Variants in GLI2 observed in about 807,000 individuals in gnomAD.
GLI2 encodes transcription activator GLI2.
In GLI2, 22 loss-of-function variants were observed where a neutral mutation model predicts 78.9. That is an observed-to-expected ratio of 0.28 (90% CI 0.20 to 0.40). GLI2 has a LOEUF of 0.40. GLI2 is among the 10% of genes least tolerant of loss of function. The pLI, the probability that GLI2 is intolerant of heterozygous loss-of-function variation, is 1.00. For missense variants in GLI2, 2,097 were observed against 2,213.2 expected (o/e 0.95, Z 1.05); for synonymous variants, 974 against 963.7 (o/e 1.01, Z -0.20).
At chr2:120,972,403 T>C (rs1244557571) in intron 8 of GLI2, among the ~76,000 whole-genome samples, 2 of 152,224 alleles carry the variant, frequency 1.3e-5, no homozygotes, top group East Asian at 3.8e-4. Context: ...GTTGAGTTGC[T>C]CACGTCCCCG....
At chr2:120,894,221 G>A (rs887067662) in intron 2 of GLI2, among the ~76,000 whole-genome samples, 4 of 152,190 alleles carry the variant, frequency 2.6e-5, no homozygotes, top group Admixed American at 6.5e-5. Flanking sequence ...GCAATTGTCC[G>A]TCTCTCAGAT....
intron 4 of GLI2, among the ~76,000 whole-genome samples, chr2:120,952,538 G>C (rs1681047568): frequency 6.6e-6 from 1 of 152,256 alleles, no homozygotes; most frequent in South Asian, 2.1e-4. Context: ...AGGGCTCCCT[G>C]AATCGTTGAC....
In GLI2 at chr2:120,988,930, G is replaced by A; in HGVS notation, c.2965G>A (p.Gly989Ser). 6.6e-7 allele frequency: 1 copy of A among 1,526,316 alleles called. No homozygotes were observed. The highest frequency in any genetic ancestry group is 8.8e-7 in the Non-Finnish European group (1 of 1,140,828). The allele number at this position is 1,526,316 out of a possible 1,614,324, so 94.5% of individuals were successfully genotyped here. A position where few individuals can be genotyped will look rare whatever the true frequency, so the allele number is the denominator to read the frequency against. The change falls in exon 14 of 14, where the codon GGC (glycine) becomes AGC (serine). Residue 989 changes from glycine to serine, a missense_variant. By Grantham distance (56) the Gly-to-Ser change is moderately conservative. Around this residue, in one of 5 missense-constraint regions of GLI2, gnomAD observed 1,290 missense variants for 1,261.7 expected, o/e 1.02. Coordinates refer to ENST00000361492, the MANE Select transcript of GLI2 (RefSeq NM_001374353.1). ...GCTGCCGCCCTGTGCCGACAGGCGAGGCCTCCGCCTGCAGAGCCACCCGAG... is the reference window on the plus strand; with the variant it reads ...GCTGCCGCCCTGTGCCGACAGGCGAAGCCTCCGCCTGCAGAGCCACCCGAG... The part of the protein sequence containing the change: ...GPLPPCADRR[G>S]LRLQSHPSTD...
chr2:120,775,603 C>A (rs1683654378), intron 1 of GLI2, among the ~76,000 whole-genome samples: 1 of 152,158 alleles, frequency 6.6e-6, no homozygotes, highest in Admixed American at 6.5e-5. Flanking sequence ...AGGGAGAGTA[C>A]CCCCCAGAGT....
chr2:120,920,491 C>T (rs532523767), intron 2 of GLI2, among the ~76,000 whole-genome samples: 1 of 152,332 alleles, frequency 6.6e-6, no homozygotes, highest in African/African-American at 2.4e-5. Context: ...AAGGGCTGTC[C>T]TTGCCCCCTC....
At chr2:120,940,431 C>A (rs980495221) in intron 3 of GLI2, among the ~76,000 whole-genome samples, 1 of 152,196 alleles carries the variant, frequency 6.6e-6, no homozygotes, top group Non-Finnish European at 1.5e-5. Context: ...GAACACCAGG[C>A]CTATACTACT....
intron 2 of GLI2, among the ~76,000 whole-genome samples, chr2:120,922,340 A>AAGGTCTTACTC (rs760783534): frequency 4.6e-5 from 7 of 152,192 alleles, no homozygotes; most frequent in African/African-American, 7.2e-5. Context: ...AACTTGGCCG[A>AAGGTCTTACTC]CTAGCTGGCC....
At chr2:120,932,456 TCA>T (rs1679990582) in intron 3 of GLI2, among the ~76,000 whole-genome samples, 1 of 152,064 alleles carries the variant, frequency 6.6e-6, no homozygotes, top group Admixed American at 6.5e-5. Flanking sequence ...CTGCACTCTC[TCA>T]TTCTGCCCTG....
chr2:120,817,699 T>A (rs1026243737), intron 2 of GLI2, among the ~76,000 whole-genome samples: 4 of 152,128 alleles, frequency 2.6e-5, no homozygotes, highest in Non-Finnish European at 5.9e-5. Flanking sequence ...ATCTGTCTCA[T>A]CAGCTCCAAC....
rs181228394 is a variant in GLI2 at position 120,853,075 on chromosome 2, C to T, written c.148+55607C>T. 3.3e-5 allele frequency among the ~76,000 whole-genome samples: 5 copies of T among 152,202 alleles called. No homozygotes were observed. In the East Asian group the frequency reaches 7.7e-4, roughly 23 times the overall value. The stretch of plus-strand genomic sequence containing the variant: ...ACATGATCGCTCAGGAGACAGTAGA[C>T]GACACTGTCTCTGCAAGGCGAGTGA... On this transcript the variant is annotated intron_variant, in intron 2 of 13. Coordinates refer to ENST00000361492, the MANE Select transcript of GLI2 (RefSeq NM_001374353.1).
chr2:120,826,681 G>A (rs1169437493), intron 2 of GLI2, among the ~76,000 whole-genome samples: 3 of 152,208 alleles, frequency 2.0e-5, no homozygotes, highest in Non-Finnish European at 1.5e-5. Flanking sequence ...TGTACTCTGC[G>A]TCACACAGGT....
chr2:120,882,399 G>A (rs1677197170), intron 2 of GLI2, among the ~76,000 whole-genome samples: 1 of 152,242 alleles, frequency 6.6e-6, no homozygotes, highest in Admixed American at 6.5e-5. Context: ...GCTGCGGGAT[G>A]TGATCAGCAC....
intron 3 of GLI2, among the ~76,000 whole-genome samples, chr2:120,940,663 G>A (rs1322933623): frequency 1.3e-5 from 2 of 152,236 alleles, no homozygotes; most frequent in Non-Finnish European, 2.9e-5. Flanking sequence ...CAAAGCACCA[G>A]TGTGAACTAT....
At chr2:120,904,910 G>T (rs751947179) in intron 2 of GLI2, among the ~76,000 whole-genome samples, 2 of 152,184 alleles carry the variant, frequency 1.3e-5, no homozygotes, top group African/African-American at 2.4e-5. Context: ...GAGTTTGGCT[G>T]GTGTGGGGCA....
intron 2 of GLI2, among the ~76,000 whole-genome samples, chr2:120,886,705 G>T (rs1443178145): frequency 6.6e-6 from 1 of 152,236 alleles, no homozygotes; most frequent in East Asian, 1.9e-4. Context: ...GAGACAGACA[G>T]GAAATAAAGG....
At chr2:120,903,107 G>A (rs1024568310) in intron 2 of GLI2, among the ~76,000 whole-genome samples, 11 of 152,070 alleles carry the variant, frequency 7.2e-5, no homozygotes, top group South Asian at 2.1e-4. Flanking sequence ...ATTCAGGGCC[G>A]GGCGCAGTGG....
At chr2:120,845,019 T>C (rs932216155) in intron 2 of GLI2, among the ~76,000 whole-genome samples, 1 of 152,102 alleles carries the variant, frequency 6.6e-6, no homozygotes, top group Non-Finnish European at 1.5e-5. Flanking sequence ...ATATCTATAA[T>C]CCCAGCACTT....
intron 2 of GLI2, among the ~76,000 whole-genome samples, chr2:120,849,778 C>T (rs969089213): frequency 1.3e-5 from 2 of 152,170 alleles, no homozygotes; most frequent in Admixed American, 1.3e-4. Context: ...AGCATGGTTC[C>T]CAAAGCAGCG....
intron 10 of GLI2, among the ~76,000 whole-genome samples, chr2:120,981,024 G>T (rs1052805015): frequency 6.6e-6 from 1 of 152,098 alleles, no homozygotes; most frequent in Non-Finnish European, 1.5e-5. Flanking sequence ...GGGATTACAG[G>T]CACGCACCAC....
Sources: gnomAD v4.1 joint callset for allele counts (sites outside exome capture counted in the v4.1 genomes callset) on GRCh38, gnomAD v4.1.1 for gene constraint, gnomAD v4.1.1 regional missense constraint, MANE v1.5 for transcripts, NCBI Gene and HGNC (gene_info 2026-07-23, HGNC 2026-07-21) for gene names.